Variants in SNTG1 observed in about 807,000 individuals in gnomAD.
SNTG1 encodes gamma-1-syntrophin.
In SNTG1, 39 loss-of-function variants were observed where a neutral mutation model predicts 74.7. The observed-to-expected ratio is 0.52, with a 90% CI of 0.40 to 0.68. SNTG1 has a LOEUF of 0.68. Among genes scored for constraint, SNTG1 ranks in the 30% least tolerant of loss-of-function variants. SNTG1 has a pLI of 0.00. For synonymous variants in SNTG1, 254 were observed against 217.1 expected (o/e 1.17, Z -1.49); for missense variants, 685 against 609.5 (o/e 1.12, Z -1.30).
intron 9 of SNTG1, among the ~76,000 whole-genome samples, chr8:50,513,707 T>G (rs2094106570): frequency 6.6e-6 from 1 of 152,180 alleles, no homozygotes; most frequent in Admixed American, 6.5e-5. Context: ...CATAAGACCC[T>G]CCAAGCCATG....
chr8:50,750,651 C>T (rs1004892531), intron 17 of SNTG1, among the ~76,000 whole-genome samples: 2 of 151,990 alleles, frequency 1.3e-5, no homozygotes, highest in African/African-American at 4.8e-5. Flanking sequence ...CCTCCACCAG[C>T]AAAAGGACTA....
At chr8:50,061,276 A>C (rs1343013890) in intron 1 of SNTG1, among the ~76,000 whole-genome samples, 1 of 152,058 alleles carries the variant, frequency 6.6e-6, no homozygotes, top group Non-Finnish European at 1.5e-5. Context: ...GAGTTTTTAC[A>C]GTTTGTAGTT....
At chr8:50,207,264 T>G (rs921629320) in intron 2 of SNTG1, among the ~76,000 whole-genome samples, 2 of 152,210 alleles carry the variant, frequency 1.3e-5, no homozygotes, top group South Asian at 2.1e-4. Flanking sequence ...GGTCTATTCA[T>G]GGATTCAACT....
At chr8:50,515,969 G>A (rs2094130381) in intron 9 of SNTG1, among the ~76,000 whole-genome samples, 1 of 152,158 alleles carries the variant, frequency 6.6e-6, no homozygotes, top group Admixed American at 6.5e-5. Flanking sequence ...CCCTCCTCAA[G>A]TGGGTCCCTA....
intron 17 of SNTG1, among the ~76,000 whole-genome samples, chr8:50,744,801 G>C (rs1019830371): frequency 6.6e-6 from 1 of 151,948 alleles, no homozygotes; most frequent in Non-Finnish European, 1.5e-5. Context: ...TGAGGAAAGA[G>C]CAGTGTTTTC....
At chr8:50,180,900 A>G (rs1203357639) in intron 2 of SNTG1, among the ~76,000 whole-genome samples, 3 of 151,948 alleles carry the variant, frequency 2.0e-5, no homozygotes, top group Non-Finnish European at 4.4e-5. Flanking sequence ...AGCTGGGCTA[A>G]CAGATGCACG....
At chr8:50,038,476 A>C (rs1818347182) in intron 1 of SNTG1, among the ~76,000 whole-genome samples, 1 of 152,140 alleles carries the variant, frequency 6.6e-6, no homozygotes, top group African/African-American at 2.4e-5. Flanking sequence ...TAAGGGATGC[A>C]CAGACCTTAT....
At chr8:49,938,022 C>T (rs1286013376) in intron 1 of SNTG1, among the ~76,000 whole-genome samples, 1 of 152,090 alleles carries the variant, frequency 6.6e-6, no homozygotes, top group Non-Finnish European at 1.5e-5. Flanking sequence ...ATCTTTGAAC[C>T]TGCCTCTCCC....
chr8:50,429,612 CA>C (rs2131514142), intron 4 of SNTG1, among the ~76,000 whole-genome samples: 1 of 152,028 alleles, frequency 6.6e-6, no homozygotes, highest in South Asian at 2.1e-4. Context: ...GCAAATTACA[CA>C]AAACACAGAA....
chr8:50,390,424 C>A (rs1022405566), intron 2 of SNTG1, among the ~76,000 whole-genome samples: 2 of 152,144 alleles, frequency 1.3e-5, no homozygotes, highest in Non-Finnish European at 2.9e-5. Context: ...ATCCATTGGT[C>A]TATATCTCTG....
At chr8:50,379,760 C>A (rs184366708) in intron 2 of SNTG1, among the ~76,000 whole-genome samples, 8 of 152,386 alleles carry the variant, frequency 5.2e-5, no homozygotes, top group African/African-American at 1.7e-4. Flanking sequence ...GTGAAAGTTA[C>A]AAGGTGCAAG....
At chr8:50,338,324 T>C (rs2091217780) in intron 2 of SNTG1, among the ~76,000 whole-genome samples, 1 of 152,158 alleles carries the variant, frequency 6.6e-6, no homozygotes, top group African/African-American at 2.4e-5. Context: ...CTCACACTAA[T>C]GATCTACTCA....
At chr8:50,339,152 T>A (rs937368162) in intron 2 of SNTG1, among the ~76,000 whole-genome samples, 6 of 152,072 alleles carry the variant, frequency 3.9e-5, no homozygotes, top group Admixed American at 1.3e-4. Flanking sequence ...AATTAAAATG[T>A]TGAAAATTTC....
intron 2 of SNTG1, among the ~76,000 whole-genome samples, chr8:50,330,117 G>A (rs1476364214): frequency 6.6e-6 from 1 of 152,148 alleles, no homozygotes; most frequent in African/African-American, 2.4e-5. Flanking sequence ...CAAATGTGGT[G>A]GGACTCAGTT....
At chr8:50,759,907 T>C (rs73575087) in intron 18 of SNTG1, among the ~76,000 whole-genome samples, 14,003 of 152,052 alleles carry the variant, frequency 0.092, 1,898 homozygotes, top group African/African-American at 0.3. Context: ...TGGACAGGGA[T>C]AGCATGGAAT....
intron 13 of SNTG1, among the ~76,000 whole-genome samples, chr8:50,623,436 A>G (rs2094936263): frequency 2.0e-5 from 3 of 152,116 alleles, no homozygotes; most frequent in South Asian, 2.1e-4. Context: ...ATTTTCTTGT[A>G]GAATATAGTT....
At chr8:50,147,980 T>C (rs2081930164) in intron 1 of SNTG1, among the ~76,000 whole-genome samples, 1 of 152,158 alleles carries the variant, frequency 6.6e-6, no homozygotes, top group South Asian at 2.1e-4. Context: ...GAAAGTAGAA[T>C]ACTGGCAAAA....
intron 18 of SNTG1, among the ~76,000 whole-genome samples, chr8:50,791,931 A>G (rs1283967614): frequency 6.6e-6 from 1 of 151,822 alleles, no homozygotes; most frequent in East Asian, 1.9e-4. Context: ...TATTTTGACA[A>G]AATTATGGTT....
At chr8:50,099,622 T>C (rs1053817101) in intron 1 of SNTG1, among the ~76,000 whole-genome samples, 1 of 152,116 alleles carries the variant, frequency 6.6e-6, no homozygotes, top group Non-Finnish European at 1.5e-5. Flanking sequence ...AGTGTATGAG[T>C]TCCCATTCTC....
Sources: gnomAD v4.1 joint callset for allele counts (sites outside exome capture counted in the v4.1 genomes callset) on GRCh38, gnomAD v4.1.1 for gene constraint, MANE v1.5 for transcripts, NCBI Gene and HGNC (gene_info 2026-07-23, HGNC 2026-07-21) for gene names.